RBFOX1: variants seen among roughly 807,000 people sequenced by gnomAD.
The protein encoded by RBFOX1 is RNA binding fox-1 homolog 1, also known as RNA binding protein fox-1 homolog 1.
Under a neutral mutation model 57.7 loss-of-function variants are expected in RBFOX1, and 8 were observed. The ratio of observed to expected loss-of-function variants is 0.14; its 90% confidence interval spans 0.08 to 0.25. The LOEUF is 0.25. Ranked by LOEUF, RBFOX1 falls within the 10% of genes least tolerant of loss-of-function variation. The pLI, the probability that RBFOX1 is intolerant of heterozygous loss-of-function variation, is 1.00. For missense variants in RBFOX1, 611 were observed against 548.5 expected (o/e 1.11, Z -1.14); for synonymous variants, 326 against 222.4 (o/e 1.47, Z -4.15).
At chr16:6,949,121 A>T (rs1237679299) in intron 3 of RBFOX1, among the ~76,000 whole-genome samples, 3 of 152,202 alleles carry the variant, frequency 2.0e-5, no homozygotes, top group African/African-American at 7.2e-5. Flanking sequence ...GACTTTTTTT[A>T]AAACATGGAT....
chr16:6,400,165 G>A (rs79996547), intron 2 of RBFOX1, among the ~76,000 whole-genome samples: 1 of 152,314 alleles, frequency 6.6e-6, no homozygotes, highest in East Asian at 1.9e-4. Context: ...ATGTTTTCAA[G>A]TGCTCATGAA....
chr16:7,141,308 C>T (rs1353740195), intron 4 of RBFOX1, among the ~76,000 whole-genome samples: 3 of 152,166 alleles, frequency 2.0e-5, no homozygotes, highest in Non-Finnish European at 2.9e-5. Flanking sequence ...TATTCACCCA[C>T]GGAATACCAG....
intron 5 of RBFOX1, among the ~76,000 whole-genome samples, chr16:7,554,729 G>GA (rs1453708575): frequency 6.6e-6 from 1 of 151,488 alleles, no homozygotes; most frequent in African/African-American, 2.4e-5. Context: ...AAAATTTTAT[G>GA]AGTGCTGTGC....
chr16:7,306,074 A>G (rs548868107), intron 4 of RBFOX1, among the ~76,000 whole-genome samples: 48 of 152,200 alleles, frequency 3.2e-4, no homozygotes, highest in Middle Eastern at 3.4e-3. Context: ...TACTTCTTTC[A>G]TGTTATTTAT....
chr16:6,815,329 G>A (rs915133753), intron 3 of RBFOX1, among the ~76,000 whole-genome samples: 2 of 152,074 alleles, frequency 1.3e-5, no homozygotes, highest in Admixed American at 6.6e-5. Context: ...CGTATTGTGT[G>A]CTGAACTCCT....
rs571719114 is a variant in RBFOX1, at chr16:7,265,002, C to G, written c.27+212904C>G. ...ATTTGTAGAATCCATTTGCGGTTTT[C>G]AAACCATAGGCTCTGGACTTCAAAG... is the stretch of plus-strand genomic sequence containing the variant. On this transcript the variant is annotated intron_variant, in intron 4 of 15. Transcript: ENST00000550418. 4.6e-5 allele frequency among the ~76,000 whole-genome samples: 7 copies of G among 152,350 alleles called. No individual in the cohort carries two copies. In the East Asian group the frequency reaches 1.2e-3, roughly 25 times the overall value.
At chr16:6,764,343 A>C (rs1029379298) in intron 3 of RBFOX1, among the ~76,000 whole-genome samples, 2 of 152,200 alleles carry the variant, frequency 1.3e-5, no homozygotes, top group Non-Finnish European at 2.9e-5. Context: ...TTTTAAAGGG[A>C]AAACCTGAAA....
chr16:6,896,413 C>G lies in RBFOX1; in HGVS notation c.-15-155644C>G, dbSNP rs1003003284. 5.3e-5 allele frequency among the ~76,000 whole-genome samples: 8 copies of G among 152,060 alleles called. 1 individual carries two copies. The highest frequency in any genetic ancestry group is 1.9e-4 in the African/African-American group (8 of 41,420). The stretch of plus-strand genomic sequence containing the variant: ...TTTTTTCTTTAAACTCATCAACCAT[C>G]CCTACTTTCCCCTCTTTCAGCCCTG... On this transcript the variant is annotated intron_variant, in intron 3 of 15. Transcript: ENST00000550418.
In RBFOX1 at chr16:5,916,404, C is replaced by T. The variant is rs1014108698; in HGVS notation, c.351+49069C>T. Among the ~76,000 whole-genome samples the T allele has an allele frequency of 2.6e-5, 4 of 152,180 alleles. 1 individual carries two copies. In the South Asian group the frequency reaches 6.2e-4, roughly 24 times the overall value. On this transcript the variant is annotated intron_variant, in intron 4 of 19. Transcript: ENST00000641259. ...CCTCTCTTATTTCTTTCTTTACCTC[C>T]TTTCCCAATCTCTTTGCTCATAAGA...
chr16:5,664,478 C>T (rs10852661), intron 3 of RBFOX1, among the ~76,000 whole-genome samples: 17,368 of 151,784 alleles, frequency 0.11, 1,194 homozygotes, highest in East Asian at 0.24. Flanking sequence ...ACCCGGGAGG[C>T]GGAGGTTGCA....
At chr16:6,216,608 G>C (rs2097337460) in intron 1 of RBFOX1, among the ~76,000 whole-genome samples, 1 of 152,192 alleles carries the variant, frequency 6.6e-6, no homozygotes, top group East Asian at 1.9e-4. Context: ...AAACTCAAAT[G>C]GTAACTCAAT....
At position 5,673,822 on chromosome 16, in the gene RBFOX1, G is replaced by A. The variant is rs188187692; in HGVS notation, c.318+74861G>A. Reference sequence around the variant, plus strand: ...CATTGTAGGCCTTGTGGCTCTTTCCGATGTTGTCTAAGACTCATTAGCATT... The same window carrying A: ...CATTGTAGGCCTTGTGGCTCTTTCCAATGTTGTCTAAGACTCATTAGCATT... On this transcript the variant is annotated intron_variant, in intron 3 of 19. Transcript: ENST00000641259. Among the ~76,000 whole-genome samples, 645 of 152,284 alleles carry A rather than the reference G, an allele frequency of 4.2e-3. 2 individuals are homozygous for A. The highest frequency in any genetic ancestry group is 0.034 in the Middle Eastern group (10 of 294).
intron 11 of RBFOX1, 95 bp downstream of exon 11, chr16:7,630,778 C>A: frequency 6.5e-7 from 1 of 1,546,778 alleles, no homozygotes; most frequent in Non-Finnish European, 8.7e-7. Flanking sequence ...TCCCTCTGCC[C>A]CACCCTCTCT....
chr16:6,045,044 G>C (rs977605546), intron 1 of RBFOX1, among the ~76,000 whole-genome samples: 2 of 152,220 alleles, frequency 1.3e-5, no homozygotes, highest in Non-Finnish European at 2.9e-5. Flanking sequence ...ACTCTGATTT[G>C]ATTGGTCTTG....
At chr16:7,347,627 C>T (rs2097039875) in intron 4 of RBFOX1, among the ~76,000 whole-genome samples, 4 of 152,158 alleles carry the variant, frequency 2.6e-5, no homozygotes, top group Admixed American at 2.6e-4. Flanking sequence ...TGAAAAACCC[C>T]ACTCTAGGCT....
At chr16:6,374,469 T>C (rs1202262390) in intron 2 of RBFOX1, among the ~76,000 whole-genome samples, 1 of 152,216 alleles carries the variant, frequency 6.6e-6, no homozygotes, top group Admixed American at 6.5e-5. Flanking sequence ...AAAGGAACTC[T>C]ACTATTTTTG....
intron 1 of RBFOX1, among the ~76,000 whole-genome samples, chr16:5,312,607 G>T (rs747113903): frequency 6.6e-6 from 1 of 152,200 alleles, no homozygotes; most frequent in African/African-American, 2.4e-5. Flanking sequence ...GAGCCACCAT[G>T]CTTGGTGACA....
chr16:5,413,298 T>C (rs2067073332), intron 1 of RBFOX1, among the ~76,000 whole-genome samples: 2 of 152,200 alleles, frequency 1.3e-5, no homozygotes, highest in African/African-American at 2.4e-5. Context: ...GAGAGCACCA[T>C]GGCCCTTTTT....
intron 4 of RBFOX1, among the ~76,000 whole-genome samples, chr16:7,087,106 G>C (rs1399662544): frequency 1.3e-5 from 2 of 152,154 alleles, no homozygotes; most frequent in Non-Finnish European, 2.9e-5. Context: ...AGTCTGGGGA[G>C]GCCTTGACCT....
Sources: gnomAD v4.1 joint callset for allele counts (sites outside exome capture counted in the v4.1 genomes callset) on GRCh38, gnomAD v4.1.1 for gene constraint, MANE v1.5 for transcripts, NCBI Gene and HGNC (gene_info 2026-07-23, HGNC 2026-07-21) for gene names.